Variants in ZNF766 observed in about 807,000 individuals in gnomAD.
ZNF766 encodes the protein zinc finger protein 766.
Under a neutral mutation model 13.2 loss-of-function variants are expected in ZNF766, and 13 were observed. That is an observed-to-expected ratio of 0.98 (90% CI 0.64 to 1.56). The LOEUF (loss-of-function observed/expected upper bound fraction) is 1.56. Ranked by LOEUF, ZNF766 falls within the 40% of genes most tolerant of loss-of-function variation. The pLI is 0.00. For missense variants in ZNF766, 521 were observed against 552.2 expected (o/e 0.94, Z 0.57); for synonymous variants, 178 against 187.6 (o/e 0.95, Z 0.42).
At chr19:52,270,119 G>A (rs1600192389) in intron 1 of ZNF766, among the ~76,000 whole-genome samples, 1 of 152,120 alleles carries the variant, frequency 6.6e-6, no homozygotes, top group South Asian at 2.1e-4. Context: ...CGGCTTCTCC[G>A]GATCCTGTGT....
chr19:52,291,233 T>G lies in ZNF766; in HGVS notation c.*35T>G, dbSNP rs375345481. ...ACTCTATCATAAGTTCTAGCAGTAATCAACATCCGAGAGTCTATACTAGAA... is the reference window on the plus strand; with the variant it reads ...ACTCTATCATAAGTTCTAGCAGTAAGCAACATCCGAGAGTCTATACTAGAA... On this transcript the variant is annotated 3_prime_UTR_variant, in exon 4 of 4. Transcript: ENST00000439461. The G allele has an allele frequency of 6.6e-7, 1 of 1,526,342 alleles. No homozygotes were observed. The highest frequency in any genetic ancestry group is 8.8e-7 in the Non-Finnish European group (1 of 1,138,198). The allele number at this position is 1,526,342 out of a possible 1,614,324, so 94.5% of individuals were successfully genotyped here.
intron 3 of ZNF766, among the ~76,000 whole-genome samples, chr19:52,286,577 G>GT (rs55733845): frequency 0.085 from 12,964 of 152,062 alleles, 1,221 homozygotes; most frequent in African/African-American, 0.23. Flanking sequence ...TGCCTGGCGA[G>GT]TGTTTTTATC....
intron 2 of ZNF766, among the ~76,000 whole-genome samples, chr19:52,283,004 A>C (rs993311569): frequency 5.9e-5 from 9 of 152,102 alleles, no homozygotes; most frequent in African/African-American, 1.9e-4. Context: ...TATACCCAGT[A>C]ATGCGATTGC....
Position 52,292,202 on chromosome 19 carries a change from T to C in ZNF766, c.*1004T>C. ...AGTAAGATGACAGGGCTGACTTCAT[T>C]AGATGAGGAGCGTTTCTATCCAGTT... is the stretch of plus-strand genomic sequence containing the variant. On this transcript the variant is annotated 3_prime_UTR_variant, in exon 4 of 4. Transcript: ENST00000439461. 1 of 702,662 alleles carries C rather than the reference T, an allele frequency of 1.4e-6. No individual in the cohort carries two copies. Among genetic ancestry groups the C allele is most frequent in the African/African-American group, 1.7e-5 (1 of 57,356 alleles). 43.5% of individuals were successfully genotyped at this position (702,662 alleles called of 1,614,324 possible).
chr19:52,289,918 G>A (rs10417937), intron 3 of ZNF766, 148 bp from the exon 4 acceptor site: 142,965 of 719,402 alleles, frequency 0.2, 14,628 homozygotes, highest in East Asian at 0.24. Context: ...GGAGAATGGC[G>A]GGAACCTGGG....
rs1600207575 is a variant in ZNF766 at position 52,293,989 on chromosome 19, T to C, written c.*2791T>C. 1 of 152,326 alleles carries C rather than the reference T, an allele frequency of 6.6e-6. No homozygotes were observed. The highest frequency in any genetic ancestry group is 2.1e-4 in the South Asian group (1 of 4,826). 9.4% of individuals were successfully genotyped at this position (152,326 alleles called of 1,614,324 possible). ...GTGAAAATCACATAACAGTGCAGCT[T>C]CATCATCATATGCCCTCAATGTTCA... On this transcript the variant is annotated 3_prime_UTR_variant, in exon 4 of 4. Coordinates refer to ENST00000439461, the MANE Select transcript of ZNF766 (RefSeq NM_001010851.3).
Position 52,282,294 on chromosome 19 carries a change from C to A in ZNF766, c.145+57C>A, listed in dbSNP as rs145883445. 74 of 1,519,588 alleles carry A rather than the reference C, an allele frequency of 4.9e-5. No individual in the cohort carries two copies. The African/African-American group carries it at 1.0e-3, about 21-fold the overall frequency. The allele number at this position is 1,519,588 out of a possible 1,614,324, so 94.1% of individuals were successfully genotyped here. On this transcript the variant is annotated intron_variant, in intron 2 of 3. Coordinates refer to ENST00000439461, the MANE Select transcript of ZNF766 (RefSeq NM_001010851.3). ...CTGCCCTTAGTATCTCTGCATTTTC[C>A]CTTGTGTGCCTCTTGGGAGCCCCTG...
At position 52,290,423 on chromosome 19, in the gene ZNF766, C is replaced by G; in HGVS notation, c.632C>G (p.Ala211Gly). Residue 211 changes from alanine (A) to glycine (G), a missense_variant, in exon 4 of 4, where the codon GCA becomes GGA. Physicochemically the swap from Ala to Gly is moderately conservative, Grantham distance 60. Transcript: ENST00000439461. ...SLPNHQVIHT[A>G]DKPNRCHECG... ...CCTAATCATCAAGTAATCCACACTG[C>G]AGATAAACCTAACAGATGTCATGAA... 6.2e-7 allele frequency: 1 copy of G among 1,613,858 alleles called. No individual in the cohort carries two copies. Among genetic ancestry groups the G allele is most frequent in the Non-Finnish European group, 8.5e-7 (1 of 1,180,008 alleles).
intron 3 of ZNF766, among the ~76,000 whole-genome samples, chr19:52,284,376 G>C (rs1477123636): frequency 6.6e-6 from 1 of 152,146 alleles, no homozygotes; most frequent in Non-Finnish European, 1.5e-5. Flanking sequence ...GAAAACACAG[G>C]CTGCTGTCTT....
intron 1 of ZNF766, among the ~76,000 whole-genome samples, chr19:52,279,944 C>T (rs1010472231): frequency 4.6e-5 from 7 of 151,270 alleles, no homozygotes; most frequent in South Asian, 2.1e-4. Context: ...TACAGGTGCC[C>T]GCCACCACGC....
At chr19:52,279,251 G>C (rs1981363546) in intron 1 of ZNF766, among the ~76,000 whole-genome samples, 1 of 152,192 alleles carries the variant, frequency 6.6e-6, no homozygotes, top group African/African-American at 2.4e-5. Context: ...TTTTGTACCA[G>C]TACCATGTTG....
At chr19:52,287,825 T>C (rs140547479) in intron 3 of ZNF766, among the ~76,000 whole-genome samples, 2 of 152,248 alleles carry the variant, frequency 1.3e-5, no homozygotes, top group Non-Finnish European at 2.9e-5. Flanking sequence ...TGTAATGTCC[T>C]CTTTTACCTT....
rs756135110 is a variant in ZNF766, at chr19:52,269,631, C to T, written c.18C>T (p.Arg6=). Residue 6 remains arginine, a splice_region_variant and synonymous_variant, in exon 1 of 4, where the codon CGC becomes CGT. Coordinates refer to ENST00000439461, the MANE Select transcript of ZNF766 (RefSeq NM_001010851.3). ...GTGGAGATATGGCGCAACTGCGGCG[C>T]GTGAGTTTTCCTTTGTTTAGATTAA... MAQLR[R]GHLTFRDVAI... is the part of the protein sequence containing the mutation. 9.3e-6 allele frequency: 15 copies of T among 1,612,938 alleles called. No homozygotes were observed. In the Admixed American group the frequency reaches 2.5e-4, roughly 27 times the overall value.
At chr19:52,276,357 G>A (rs28718737) in intron 1 of ZNF766, among the ~76,000 whole-genome samples, 22,378 of 151,960 alleles carry the variant, frequency 0.15, 1,722 homozygotes, top group Middle Eastern at 0.24. Context: ...TATTTTTATT[G>A]TATTGCTATT....
intron 1 of ZNF766, among the ~76,000 whole-genome samples, chr19:52,279,410 G>T (rs1218652104): frequency 6.6e-6 from 1 of 152,124 alleles, no homozygotes; most frequent in African/African-American, 2.4e-5. Context: ...GTTCTGCAAA[G>T]AACGTCATTA....
chr19:52,274,550 G>C (rs1374508483), intron 1 of ZNF766: 1 of 152,322 alleles, frequency 6.6e-6, no homozygotes, highest in Non-Finnish European at 1.5e-5. Context: ...GGAGTCATTG[G>C]AACTGATACA....
At chr19:52,274,292 A>G (rs2122462900) in intron 1 of ZNF766, among the ~76,000 whole-genome samples, 1 of 152,320 alleles carries the variant, frequency 6.6e-6, no homozygotes, top group South Asian at 2.1e-4. Context: ...ATGCCACATA[A>G]GGACATTTCG....
chr19:52,270,115 C>T (rs981355405), intron 1 of ZNF766, among the ~76,000 whole-genome samples: 4 of 152,302 alleles, frequency 2.6e-5, no homozygotes, highest in African/African-American at 7.2e-5. Context: ...GTCACGGCTT[C>T]TCCGGATCCT....
At chr19:52,271,968 G>GTGAGACTGT (rs1198188192) in intron 1 of ZNF766, among the ~76,000 whole-genome samples, 3 of 91,072 alleles carry the variant, frequency 3.3e-5, no homozygotes, top group Non-Finnish European at 6.6e-5. Flanking sequence ...GGTGACAAGA[G>GTGAGACTGT]TGAGACTGTC....
Sources: gnomAD v4.1 joint callset for allele counts (sites outside exome capture counted in the v4.1 genomes callset) on GRCh38, gnomAD v4.1.1 for gene constraint, MANE v1.5 for transcripts, NCBI Gene and HGNC (gene_info 2026-07-23, HGNC 2026-07-21) for gene names.